Variants in AGO1 observed in about 807,000 individuals in gnomAD.
AGO1 encodes protein argonaute-1.
In AGO1, 11 loss-of-function variants were observed where a neutral mutation model predicts 109.2. That is an observed-to-expected ratio of 0.10 (90% confidence interval 0.06 to 0.17). The LOEUF (loss-of-function observed/expected upper bound fraction) is 0.17, where lower values mean the gene tolerates loss of function less well. Among genes scored for constraint, AGO1 ranks in the 10% least tolerant of loss-of-function variants. The pLI is 1.00. For missense variants in AGO1, 574 were observed against 1,140.3 expected (o/e 0.50, Z 7.15); for synonymous variants, 422 against 418.6 (o/e 1.01, Z -0.10).
intron 1 of AGO1, among the ~76,000 whole-genome samples, chr1:35,884,735 G>T (rs1263189864): frequency 6.6e-6 from 1 of 152,114 alleles, no homozygotes; most frequent in Admixed American, 6.5e-5. Flanking sequence ...AAAAGACATA[G>T]GAACAGAGGA....
rs1645716848 is a variant in AGO1 at position 35,915,452 on chromosome 1, G to A, written c.1938G>A (p.Glu646=). 1 of 1,613,984 alleles carries A rather than the reference G, an allele frequency of 6.2e-7. No homozygotes were observed. Among genetic ancestry groups the A allele is most frequent in the East Asian group, 2.2e-5 (1 of 44,864 alleles). ...IIEDLSYMVR[E]LLIQFYKSTR... is the part of the protein sequence containing the mutation. The stretch of plus-strand genomic sequence containing the variant: ...AAGACTTGTCCTACATGGTGCGTGA[G>A]CTCCTCATCCAATTCTACAAGTCCA... Residue 646 remains glutamate (E), a synonymous_variant, in exon 15 of 19, where the codon GAG becomes GAA. Coordinates refer to ENST00000373204, the MANE Select transcript of AGO1 (RefSeq NM_012199.5).
intron 12 of AGO1, among the ~76,000 whole-genome samples, chr1:35,912,837 G>A (rs371956502): frequency 6.6e-6 from 1 of 152,158 alleles, no homozygotes; most frequent in Non-Finnish European, 1.5e-5. Context: ...CTCCCAAAGT[G>A]CTGGGATTAC....
At chr1:35,872,208 C>T (rs1208031584) in intron 1 of AGO1, among the ~76,000 whole-genome samples, 11 of 133,648 alleles carry the variant, frequency 8.2e-5, no homozygotes, top group Admixed American at 4.7e-4. Context: ...TTTTTTGAGA[C>T]GGAGTCTCGC....
intron 11 of AGO1, among the ~76,000 whole-genome samples, chr1:35,904,105 G>A (rs1349787617): frequency 2.1e-5 from 3 of 145,464 alleles, no homozygotes; most frequent in African/African-American, 7.7e-5. Context: ...CCTTTCCTGA[G>A]CTCTTTTTTT....
chr1:35,909,167 A>G (rs1645586827), intron 12 of AGO1, among the ~76,000 whole-genome samples: 1 of 152,144 alleles, frequency 6.6e-6, no homozygotes, highest in Non-Finnish European at 1.5e-5. Context: ...TGACTCTAAT[A>G]TCAAAAAAAC....
At chr1:35,892,030 A>G (rs1473386103) in intron 2 of AGO1, among the ~76,000 whole-genome samples, 1 of 152,042 alleles carries the variant, frequency 6.6e-6, no homozygotes, top group Admixed American at 6.6e-5. Context: ...GGCACATGCC[A>G]CCATACCCAG....
upstream of AGO1, among the ~76,000 whole-genome samples, chr1:35,880,440 T>C (rs951936763): frequency 2.0e-5 from 3 of 152,130 alleles, no homozygotes; most frequent in African/African-American, 7.2e-5. Context: ...CATGCACCTG[T>C]AGTCTCAGCA....
At chr1:35,894,802 G>T (rs1645289241) in intron 7 of AGO1, among the ~76,000 whole-genome samples, 1 of 152,170 alleles carries the variant, frequency 6.6e-6, no homozygotes, top group Non-Finnish European at 1.5e-5. Flanking sequence ...TGATTATTAT[G>T]AGTGTCTACT....
chr1:35,883,502 A>G lies in AGO1; in HGVS notation c.25+56A>G. 1.3e-6 allele frequency: 2 copies of G among 1,487,860 alleles called. No individual in the cohort carries two copies. The highest frequency in any genetic ancestry group is 2.7e-5 in the Admixed American group (1 of 36,678). 92.2% of individuals were successfully genotyped at this position (1,487,860 alleles called of 1,614,324 possible). A position where few individuals can be genotyped will look rare whatever the true frequency, so the allele number is the denominator to read the frequency against. On this transcript the variant is annotated intron_variant, in intron 1 of 18. Coordinates refer to ENST00000373204, the MANE Select transcript of AGO1 (RefSeq NM_012199.5). This position sits in a 1 kb window ranked among gnomAD's most constrained non-coding sequence, Gnocchi z 5.4. ...TGCTCCAAGGACTGGGGGATCCCGC[A>G]TGAAAAGCGTGGTTTCCAAGTGATG...
Position 35,893,335 on chromosome 1 carries a change from AGGAGGG to A in AGO1, c.512+62_512+67del, listed in dbSNP as rs1395020558. 2.6e-6 allele frequency: 4 copies of A among 1,555,064 alleles called. No individual in the cohort carries two copies. The highest frequency in any genetic ancestry group is 3.5e-6 in the Non-Finnish European group (4 of 1,143,342). Reference sequence around the variant, plus strand: ...GTGTTGGCAGAACTGCTGTCAGGGGAGGAGGGGGAGCACATATTAAGGTCCCACAGA... The same window carrying A: ...GTGTTGGCAGAACTGCTGTCAGGGGAGGAGCACATATTAAGGTCCCACAGA... On this transcript the variant is annotated intron_variant, in intron 4 of 18. Transcript: ENST00000373204. This position sits in a 1 kb window ranked among gnomAD's most constrained non-coding sequence, Gnocchi z 5.6.
rs531257396 is a variant in AGO1 at position 35,873,732 on chromosome 1, T to G, written c.-201+3829T>G. 2.6e-4 allele frequency: 40 copies of G among 152,810 alleles called. 1 individual carries two copies. The highest frequency in any genetic ancestry group is 9.4e-4 in the African/African-American group (39 of 41,592). The allele number at this position is 152,810 out of a possible 1,614,324, so 9.5% of individuals were successfully genotyped here. On this transcript the variant is annotated intron_variant, in intron 1 of 18. Transcript: ENST00000373206. ...GAGTACTTTTCCTAGATCAAAGTGATGTTTTTGCAATCCTTTTTTTATCTA... is the reference window on the plus strand; with the variant it reads ...GAGTACTTTTCCTAGATCAAAGTGAGGTTTTTGCAATCCTTTTTTTATCTA...
chr1:35,881,037 T>G (rs1645030714), upstream of AGO1, among the ~76,000 whole-genome samples: 1 of 152,214 alleles, frequency 6.6e-6, no homozygotes, highest in Non-Finnish European at 1.5e-5. Context: ...CACTGCCATT[T>G]TACAGAGGAG....
chr1:35,915,318 AG>A (rs752352651), intron 14 of AGO1, 29 bp from the exon 15 acceptor site: 7 of 1,594,636 alleles, frequency 4.4e-6, no homozygotes, highest in Non-Finnish European at 6.0e-6. Context: ...TGAAGGTTCT[AG>A]GAGCTAATCC....
At chr1:35,881,506 G>A (rs1198631473), upstream of AGO1, among the ~76,000 whole-genome samples, 2 of 152,070 alleles carry the variant, frequency 1.3e-5, no homozygotes, top group East Asian at 3.9e-4. Context: ...ATTTTTAGTA[G>A]AGACGAGACT....
rs1023183515 is a variant in AGO1, at chr1:35,924,529, A to G, written c.*4922A>G. The G allele has an allele frequency of 3.3e-5, 5 of 152,102 alleles. No individual in the cohort carries two copies. Among genetic ancestry groups the G allele is most frequent in the Admixed American group, 6.6e-5 (1 of 15,260 alleles). 9.4% of individuals were successfully genotyped at this position (152,102 alleles called of 1,614,324 possible). On this transcript the variant is annotated 3_prime_UTR_variant, in exon 19 of 19. Coordinates refer to ENST00000373204, the MANE Select transcript of AGO1 (RefSeq NM_012199.5). ...AAAATAGTGTCCGTCTCATTAAGGG[A>G]ATTAAGTTTGGTGGGGGATATGATT...
intron 2 of AGO1, among the ~76,000 whole-genome samples, chr1:35,891,250 T>C (rs944495741): frequency 6.6e-6 from 1 of 152,194 alleles, no homozygotes; most frequent in Non-Finnish European, 1.5e-5. Context: ...AGTCAAGAAC[T>C]TTGATCTAGA....
chr1:35,926,099 G>A lies in AGO1; in HGVS notation c.*6492G>A, dbSNP rs1645921436. 1 of 152,122 alleles carries A rather than the reference G, an allele frequency of 6.6e-6. No homozygotes were observed. Among genetic ancestry groups the A allele is most frequent in the Non-Finnish European group, 1.5e-5 (1 of 68,006 alleles). 9.4% of individuals were successfully genotyped at this position (152,122 alleles called of 1,614,324 possible). A position where few individuals can be genotyped will look rare whatever the true frequency, so the allele number is the denominator to read the frequency against. Reference sequence around the variant, plus strand: ...GACATGGAGCAGATTTTGACCAGTTGAAATAAGACATAAATTTATGACTCC... The same window carrying A: ...GACATGGAGCAGATTTTGACCAGTTAAAATAAGACATAAATTTATGACTCC... On this transcript the variant is annotated 3_prime_UTR_variant, in exon 19 of 19. Coordinates refer to ENST00000373204, the MANE Select transcript of AGO1 (RefSeq NM_012199.5).
At chr1:35,913,282 G>A (rs1480716064) in intron 12 of AGO1, among the ~76,000 whole-genome samples, 1 of 152,152 alleles carries the variant, frequency 6.6e-6, no homozygotes, top group East Asian at 1.9e-4. Context: ...GCCTCCCAAA[G>A]TGCTGGGATT....
rs1645874205 is a variant in AGO1, at chr1:35,923,691, G to A, written c.*4084G>A. The A allele has an allele frequency of 6.6e-6, 1 of 152,550 alleles. No individual in the cohort carries two copies. The highest frequency in any genetic ancestry group is 6.5e-5 in the Admixed American group (1 of 15,284). The allele number at this position is 152,550 out of a possible 1,614,324, so 9.4% of individuals were successfully genotyped here. On this transcript the variant is annotated 3_prime_UTR_variant, in exon 19 of 19. Coordinates refer to ENST00000373204, the MANE Select transcript of AGO1 (RefSeq NM_012199.5). ...TTAATAGGACTTGCCTTCTCCCTGG[G>A]CAGGGAGAGAGGCTGGGTTGGTGCT...
Sources: allele counts gnomAD v4.1 joint callset (sites outside exome capture counted in the v4.1 genomes callset), GRCh38; gene constraint gnomAD v4.1.1; non-coding constraint Gnocchi (gnomAD v3.1); transcripts MANE v1.5; gene names NCBI Gene and HGNC (gene_info 2026-07-23, HGNC 2026-07-21).